Variants in CCDC102B observed in about 807,000 individuals in gnomAD.
CCDC102B encodes coiled-coil domain containing 102B.
In CCDC102B, 75 loss-of-function variants were observed where a neutral mutation model predicts 57.4. The observed-to-expected ratio is 1.31, with a 90% CI of 1.08 to 1.58. The LOEUF (loss-of-function observed/expected upper bound fraction) is 1.58. CCDC102B is among the 40% of genes most tolerant of loss of function. CCDC102B has a pLI of 0.00. For synonymous variants in CCDC102B, 206 were observed against 201.9 expected (o/e 1.02, Z -0.17); for missense variants, 636 against 582.6 (o/e 1.09, Z -0.94).
chr18:68,922,319 G>A (rs1356092783), intron 6 of CCDC102B, among the ~76,000 whole-genome samples: 3 of 152,140 alleles, frequency 2.0e-5, no homozygotes, highest in African/African-American at 7.2e-5. Context: ...CTGATATACG[G>A]CTTATGCTGT....
At chr18:68,999,871 T>C (rs2051154143) in intron 6 of CCDC102B, among the ~76,000 whole-genome samples, 1 of 152,208 alleles carries the variant, frequency 6.6e-6, no homozygotes, top group Non-Finnish European at 1.5e-5. Context: ...TAGAATCAAA[T>C]AGTGCATTAT....
intron 2 of CCDC102B, among the ~76,000 whole-genome samples, chr18:68,736,698 T>C (rs1350171325): frequency 6.6e-6 from 1 of 152,084 alleles, no homozygotes; most frequent in African/African-American, 2.4e-5. Context: ...CTCAGAAACC[T>C]GTGATAAACC....
intron 5 of CCDC102B, among the ~76,000 whole-genome samples, chr18:68,887,699 C>T (rs536166578): frequency 6.6e-6 from 1 of 152,320 alleles, no homozygotes; most frequent in African/African-American, 2.4e-5. Flanking sequence ...TTTGATGTTG[C>T]TATCACAACT....
intron 7 of CCDC102B, among the ~76,000 whole-genome samples, chr18:69,044,230 C>G (rs2052503373): frequency 6.6e-6 from 1 of 152,132 alleles, no homozygotes; most frequent in Non-Finnish European, 1.5e-5. Context: ...TGGAATCTGT[C>G]TGGTTCAAAT....
chr18:69,009,515 GT>G (rs1156543815), intron 6 of CCDC102B, among the ~76,000 whole-genome samples: 2 of 151,770 alleles, frequency 1.3e-5, no homozygotes, highest in African/African-American at 2.4e-5. Context: ...ATATTTTTTT[GT>G]TATATGCAAA....
intron 1 of CCDC102B, among the ~76,000 whole-genome samples, chr18:68,834,430 TAC>T (rs1341695285): frequency 1.7e-5 from 1 of 57,388 alleles, no homozygotes; most frequent in Non-Finnish European, 3.2e-5. Context: ...TATATGTAAA[TAC>T]ATATATATAT....
Position 68,951,275 on chromosome 18 carries a change from A to G in CCDC102B, c.1263+53847A>G, listed in dbSNP as rs112646408. Among the ~76,000 whole-genome samples the G allele has an allele frequency of 4.3e-3, 658 of 152,294 alleles. 5 individuals are homozygous for G. Among genetic ancestry groups the G allele is most frequent in the African/African-American group, 0.015 (620 of 41,580 alleles). ...CGGGTGTTTGGGAAGCAGTTGACAG[A>G]AAACTTGGTCCTATTTGAAGATTCC... On this transcript the variant is annotated intron_variant, in intron 6 of 7. Coordinates refer to ENST00000360242, the MANE Select transcript of CCDC102B (RefSeq NM_024781.3).
intron 6 of CCDC102B, among the ~76,000 whole-genome samples, chr18:68,901,916 T>C (rs546280809): frequency 2.0e-5 from 3 of 152,256 alleles, no homozygotes; most frequent in Admixed American, 6.5e-5. Flanking sequence ...CTTCCTACTG[T>C]CGATGTAAGA....
chr18:68,873,679 T>G (rs1345760910), intron 4 of CCDC102B, among the ~76,000 whole-genome samples: 1 of 152,078 alleles, frequency 6.6e-6, no homozygotes, highest in African/African-American at 2.4e-5. Context: ...GACTAGTACA[T>G]GCTTAATATT....
chr18:68,771,490 A>C (rs1599436903), intron 2 of CCDC102B, among the ~76,000 whole-genome samples: 1 of 152,316 alleles, frequency 6.6e-6, no homozygotes, highest in African/African-American at 2.4e-5. Flanking sequence ...CTCAGGATAA[A>C]TACAAGTCAC....
rs1389840739 is a variant in CCDC102B at position 68,813,790 on chromosome 18, A to C, written c.-16+15609A>C. ...AATATAATTTTATATATATATATAT[A>C]TATCTTTAGTTTTTGAGTGTAGAAC... On this transcript the variant is annotated intron_variant, in intron 1 of 7. Transcript: ENST00000360242. Among the ~76,000 whole-genome samples, 3 of 150,268 alleles carry C rather than the reference A, an allele frequency of 2.0e-5. No individual in the cohort carries two copies. The East Asian group carries it at 5.8e-4, about 29-fold the overall frequency.
chr18:68,895,190 A>G (rs917177036), intron 5 of CCDC102B, among the ~76,000 whole-genome samples: 2 of 151,798 alleles, frequency 1.3e-5, no homozygotes, highest in African/African-American at 4.8e-5. Flanking sequence ...TTCCCAAACA[A>G]GCATCCCAAA....
At chr18:68,946,938 T>C (rs937866452) in intron 6 of CCDC102B, among the ~76,000 whole-genome samples, 1 of 152,012 alleles carries the variant, frequency 6.6e-6, no homozygotes, top group African/African-American at 2.4e-5. Context: ...CCCCAATGGA[T>C]GCATCATGGA....
At chr18:68,947,447 T>A (rs2049572074) in intron 6 of CCDC102B, among the ~76,000 whole-genome samples, 1 of 152,100 alleles carries the variant, frequency 6.6e-6, no homozygotes, top group Non-Finnish European at 1.5e-5. Context: ...TTCAAACCTT[T>A]ATGTTAAAAA....
At chr18:68,948,230 T>A (rs1024837750) in intron 6 of CCDC102B, among the ~76,000 whole-genome samples, 3 of 152,102 alleles carry the variant, frequency 2.0e-5, no homozygotes, top group Admixed American at 6.6e-5. Context: ...TAAATTAGAA[T>A]TACAGTTAAA....
At chr18:68,784,979 C>G in intron 2 of CCDC102B, among the ~76,000 whole-genome samples, 1 of 107,510 alleles carries the variant, frequency 9.3e-6, no homozygotes, top group East Asian at 3.4e-4. Flanking sequence ...CCTCCCCCCT[C>G]CCCCCACCCC....
chr18:68,984,771 G>C (rs1028488843), intron 6 of CCDC102B, among the ~76,000 whole-genome samples: 1 of 152,034 alleles, frequency 6.6e-6, no homozygotes. Context: ...CACAGTGAAG[G>C]ATTTATGTGT....
intron 6 of CCDC102B, among the ~76,000 whole-genome samples, chr18:68,898,838 T>C (rs1360850411): frequency 6.6e-6 from 1 of 152,130 alleles, no homozygotes; most frequent in Non-Finnish European, 1.5e-5. Flanking sequence ...AAGCAATTGA[T>C]TATATTTGAT....
At chr18:68,848,809 G>T (rs1473379170) in intron 4 of CCDC102B, among the ~76,000 whole-genome samples, 1 of 151,852 alleles carries the variant, frequency 6.6e-6, no homozygotes, top group Admixed American at 6.6e-5. Flanking sequence ...CATAATTCTG[G>T]CACCTCATTT....
Sources: allele counts gnomAD v4.1 joint callset (sites outside exome capture counted in the v4.1 genomes callset), GRCh38; gene constraint gnomAD v4.1.1; transcripts MANE v1.5; gene names NCBI Gene and HGNC (gene_info 2026-07-23, HGNC 2026-07-21).